The following PLAAT1 variants were observed in gnomAD, a reference collection of about 807,000 sequenced individuals.
PLAAT1 encodes phospholipase A and acyltransferase 1, also known as H-REV107 protein-related protein.
PLAAT1 carries 13 observed loss-of-function variants against 16.4 expected under a neutral mutation model. That is an observed-to-expected ratio of 0.79 (90% confidence interval 0.52 to 1.26). The LOEUF is 1.26. Among genes scored for constraint, PLAAT1 ranks in the 50% most tolerant of loss-of-function variants. The pLI, the probability that PLAAT1 is intolerant of heterozygous loss-of-function variation, is 0.00. For missense variants in PLAAT1, 218 were observed against 207.8 expected, an observed-to-expected ratio of 1.05 and a Z score of -0.30; for synonymous variants, 73 against 78.4, an observed-to-expected ratio of 0.93 and a Z score of 0.36.
chr3:193,276,898 TATTTA>T, intron 2 of PLAAT1: 2 of 1,124,598 alleles, frequency 1.8e-6, no homozygotes, highest in Non-Finnish European at 2.6e-6. Context: ...CCATATTAAT[TATTTA>T]ATTTATAGAT....
At chr3:193,278,677 A>G (rs1418857094), downstream of PLAAT1, among the ~76,000 whole-genome samples, 2 of 152,132 alleles carry the variant, frequency 1.3e-5, no homozygotes, top group African/African-American at 4.8e-5. Context: ...AATGCCTCCC[A>G]TGACAGCCAC....
chr3:193,280,956 T>G (rs1717465806), downstream of PLAAT1, among the ~76,000 whole-genome samples: 1 of 152,204 alleles, frequency 6.6e-6, no homozygotes, highest in Admixed American at 6.5e-5. Context: ...GCAGGCTCTA[T>G]TTTTGAAGTG....
chr3:193,274,890 T>G, downstream of PLAAT1: 1 of 1,079,074 alleles, frequency 9.3e-7, no homozygotes, highest in Non-Finnish European at 1.3e-6. Flanking sequence ...CTATCTAAGG[T>G]CCCTTGCTGC....
intron 3 of PLAAT1, among the ~76,000 whole-genome samples, chr3:193,266,421 A>G (rs1309939367): frequency 2.0e-5 from 3 of 152,184 alleles, no homozygotes; most frequent in African/African-American, 7.2e-5. Flanking sequence ...ATCTATCATC[A>G]TTTCACCTTT....
chr3:193,260,764 C>G (rs1716555422), intron 2 of PLAAT1, among the ~76,000 whole-genome samples: 1 of 151,820 alleles, frequency 6.6e-6, no homozygotes, highest in Non-Finnish European at 1.5e-5. Flanking sequence ...TAAATTAGTT[C>G]AGCCACTGTG....
chr3:193,250,174 C>G (rs1716139107), intron 1 of PLAAT1, among the ~76,000 whole-genome samples: 1 of 152,152 alleles, frequency 6.6e-6, no homozygotes, highest in Non-Finnish European at 1.5e-5. Context: ...TTAGAATCCA[C>G]TAACCTCTTT....
At chr3:193,260,639 A>G (rs555369853) in intron 2 of PLAAT1, among the ~76,000 whole-genome samples, 85 of 152,270 alleles carry the variant, frequency 5.6e-4, no homozygotes, top group Middle Eastern at 6.8e-3. Flanking sequence ...CAAAACCACA[A>G]TGAGATACCA....
At chr3:193,266,828 T>TGAGTA (rs879471518) in intron 3 of PLAAT1, among the ~76,000 whole-genome samples, 1,719 of 152,286 alleles carry the variant, frequency 0.011, 12 homozygotes, top group Non-Finnish European at 0.018. Flanking sequence ...TATATATTAC[T>TGAGTA]ATCAATAACT....
chr3:193,264,087 A>G (rs1716689110), intron 3 of PLAAT1, among the ~76,000 whole-genome samples: 1 of 152,228 alleles, frequency 6.6e-6, no homozygotes, highest in South Asian at 2.1e-4. Flanking sequence ...ACCTATGAAA[A>G]CTTTTTAAAA....
chr3:193,275,238 T>C (rs565215646), downstream of PLAAT1: 224 of 1,614,188 alleles, frequency 1.4e-4, no homozygotes, highest in Admixed American at 2.1e-3. Flanking sequence ...ATATTGACTT[T>C]TAGAGTAGAA....
At chr3:193,272,935 A>T (rs1186777349), downstream of PLAAT1, among the ~76,000 whole-genome samples, 1 of 152,186 alleles carries the variant, frequency 6.6e-6, no homozygotes, top group Non-Finnish European at 1.5e-5. Flanking sequence ...TTGTGCTTTT[A>T]TGAAATGATT....
At chr3:193,254,278 T>A (rs569802756) in intron 1 of PLAAT1, among the ~76,000 whole-genome samples, 1 of 152,306 alleles carries the variant, frequency 6.6e-6, no homozygotes, top group Admixed American at 6.5e-5. Context: ...CATTAATTGT[T>A]ATAAAAAAGA....
chr3:193,248,356 T>A (rs1716059737), intron 1 of PLAAT1, among the ~76,000 whole-genome samples: 1 of 151,998 alleles, frequency 6.6e-6, no homozygotes, highest in Non-Finnish European at 1.5e-5. Flanking sequence ...TCTTTTTTTT[T>A]AATCCATTGA....
downstream of PLAAT1, chr3:193,277,881 A>C (rs1407967923): frequency 2.0e-5 from 3 of 152,216 alleles, no homozygotes; most frequent in African/African-American, 7.2e-5. Context: ...GCTGGAGTGC[A>C]GTGGCACAAT....
At chr3:193,255,582 G>T in intron 1 of PLAAT1, 69 bp from the exon 2 acceptor site, 1 of 1,409,446 alleles carries the variant, frequency 7.1e-7, no homozygotes, top group South Asian at 1.4e-5. Context: ...CTGCTTTTAT[G>T]GATGTCTTAA....
chr3:193,253,518 C>G (rs1369320026), intron 1 of PLAAT1, among the ~76,000 whole-genome samples: 1 of 152,106 alleles, frequency 6.6e-6, no homozygotes, highest in Non-Finnish European at 1.5e-5. Flanking sequence ...TATCAGCTCC[C>G]AAAGGGTTAC....
At chr3:193,257,996 A>G (rs932073127) in intron 2 of PLAAT1, among the ~76,000 whole-genome samples, 4 of 152,012 alleles carry the variant, frequency 2.6e-5, no homozygotes, top group African/African-American at 9.7e-5. Context: ...CAGCTTACCT[A>G]CTTTTGAGAT....
chr3:193,274,849 C>G (rs185269934), downstream of PLAAT1: 1 of 691,946 alleles, frequency 1.4e-6, no homozygotes, highest in Non-Finnish European at 2.4e-6. Flanking sequence ...ATTTTTTTCT[C>G]TCATTGGTAA....
chr3:193,244,940 T>G (rs1344701405), intron 1 of PLAAT1, among the ~76,000 whole-genome samples: 1 of 152,170 alleles, frequency 6.6e-6, no homozygotes, highest in African/African-American at 2.4e-5. Flanking sequence ...GCCCCACTTC[T>G]CAATACTACC....
Sources: gnomAD v4.1 joint callset for allele counts (sites outside exome capture counted in the v4.1 genomes callset) on GRCh38, gnomAD v4.1.1 for gene constraint, MANE v1.5 for transcripts, NCBI Gene and HGNC (gene_info 2026-07-23, HGNC 2026-07-21) for gene names.